Variants in TTN observed in about 807,000 individuals in gnomAD.
The protein encoded by TTN is connectin.
TTN carries 1,525 observed loss-of-function variants against 3,223.0 expected under a neutral mutation model. The ratio of observed to expected loss-of-function variants is 0.47; its 90% CI spans 0.45 to 0.49. The LOEUF is 0.49. Ranked by LOEUF, TTN falls within the 20% of genes least tolerant of loss-of-function variation. The probability of loss-of-function intolerance (pLI) is 0.00; values close to 1 mark genes in which losing one functional copy is unlikely to be tolerated. For synonymous variants in TTN, 14,094 were observed against 15,161.0 expected (o/e 0.93, Z 5.17); for missense variants, 40,786 against 43,424.0 (o/e 0.94, Z 5.40).
Position 178,577,239 on chromosome 2 carries a change from A to G in TTN, c.69096T>C (p.His23032=), listed in dbSNP as rs1374973500. ...ATNPFGTKVE[H]VKVTVLDVPG... is the part of the protein sequence containing the mutation. ...GTACATCAAGGACTGTTACCTTCAC[A>G]TGTTCCACCTTCGTGCCAAAAGGAT... Residue 23032 remains histidine, a synonymous_variant, in exon 324 of 363, where the codon CAT becomes CAC. Transcript: ENST00000589042. 6.2e-7 allele frequency: 1 copy of G among 1,612,968 alleles called. No individual in the cohort carries two copies. Among genetic ancestry groups the G allele is most frequent in the African/African-American group, 1.3e-5 (1 of 74,936 alleles).
At chr2:178,755,578 A>T (rs924771365) in intron 46 of TTN, among the ~76,000 whole-genome samples, 1 of 152,124 alleles carries the variant, frequency 6.6e-6, no homozygotes, top group Non-Finnish European at 1.5e-5. Context: ...TTGGGATTAC[A>T]GGCATGCACC....
At chr2:178,758,236 A>C (rs2087898878) in intron 44 of TTN, among the ~76,000 whole-genome samples, 1 of 152,180 alleles carries the variant, frequency 6.6e-6, no homozygotes. Flanking sequence ...ATTTTAAACC[A>C]CTTTAAATTC....
At chr2:178,539,352 T>G in intron 352 of TTN, 30 bp downstream of exon 352, 1 of 1,601,466 alleles carries the variant, frequency 6.2e-7, no homozygotes, top group Non-Finnish European at 8.5e-7. Context: ...GAAATAATGT[T>G]TATAATTTTG....
At chr2:178,750,731 T>G in intron 47 of TTN, 1 of 1,612,892 alleles carries the variant, frequency 6.2e-7, no homozygotes, top group Non-Finnish European at 8.5e-7. Context: ...TTCACTTTCT[T>G]CAACATTTAC....
rs1700048583 is a variant in TTN, at chr2:178,553,126, G to C, written c.89774C>G (p.Thr29925Ser). Reference protein sequence around the residue: ...ENGVGEPKSSTVSVKVLDTPA... With the variant: ...ENGVGEPKSSSVSVKVLDTPA... ...TGTGTCAAGCACTTTAACACTCACA[G>C]TTGAAGACTTAGGTTCACCAACTCC... is the stretch of plus-strand genomic sequence containing the variant. The change falls in exon 335 of 363, where the codon ACT becomes AGT. Residue 29925 changes from threonine (T) to serine (S), a missense_variant. Coordinates refer to ENST00000589042, the MANE Select transcript of TTN (RefSeq NM_001267550.2). The C allele has an allele frequency of 6.2e-7, 1 of 1,612,362 alleles. No individual in the cohort carries two copies. Among genetic ancestry groups the C allele is most frequent in the Non-Finnish European group, 8.5e-7 (1 of 1,178,646 alleles).
At chr2:178,793,244 G>A (rs533141920) in intron 9 of TTN, among the ~76,000 whole-genome samples, 160 bp downstream of exon 9, 1 of 152,202 alleles carries the variant, frequency 6.6e-6, no homozygotes, top group African/African-American at 2.4e-5. Flanking sequence ...ACCAAACTTT[G>A]GTATCCAGTA....
chr2:178,541,304 G>GT lies in TTN; in HGVS notation c.97772_97773insA (p.Ile32592HisfsTer20). 1.3e-6 allele frequency: 2 copies of GT among 1,520,396 alleles called. No individual in the cohort carries two copies. Among genetic ancestry groups the GT allele is most frequent in the Non-Finnish European group, 1.8e-6 (2 of 1,124,836 alleles). The allele number at this position is 1,520,396 out of a possible 1,614,324, so 94.2% of individuals were successfully genotyped here. ...TACCAATTGGATCCATGGCAACGATGGGTTTGGAAGGACGACTTGGTTTCC... is the reference window on the plus strand; with the variant it reads ...TACCAATTGGATCCATGGCAACGATGTGGTTTGGAAGGACGACTTGGTTTCC... On this transcript the variant is annotated frameshift_variant, in exon 350 of 363. Coordinates refer to ENST00000589042, the MANE Select transcript of TTN (RefSeq NM_001267550.2). LOFTEE classifies it high-confidence loss of function.
chr2:178,787,423 TTC>T (rs1273300017), intron 13 of TTN, among the ~76,000 whole-genome samples: 1 of 152,144 alleles, frequency 6.6e-6, no homozygotes, highest in East Asian at 1.9e-4. Context: ...ATTTATTTTT[TTC>T]TTTTTTAAAA....
chr2:178,641,363 G>A, intron 219 of TTN, 48 bp from the exon 220 acceptor site: 1 of 1,103,196 alleles, frequency 9.1e-7, no homozygotes, highest in Non-Finnish European at 1.3e-6. Flanking sequence ...AACTAATGAA[G>A]ATGTTGAATA....
intron 47 of TTN, chr2:178,750,601 AT>A: frequency 6.2e-7 from 1 of 1,612,542 alleles, no homozygotes; most frequent in Non-Finnish European, 8.5e-7. Flanking sequence ...TTCGAAAAGA[AT>A]TTTCAAAAAA....
chr2:178,561,264 C>G lies in TTN; in HGVS notation c.84868G>C (p.Glu28290Gln). Residue 28290 changes from glutamate to glutamine, a missense_variant, in exon 326 of 363, where the codon GAA becomes CAA. Coordinates refer to ENST00000589042, the MANE Select transcript of TTN (RefSeq NM_001267550.2). ...CGGCCATCTGGTAGTTCTCTGCGTT[C>G]AACAATGTATCCTGTGATCTTAGCT... The part of the protein sequence containing the change: ...GGAKITGYIV[E>Q]RRELPDGRWL... The G allele has an allele frequency of 1.2e-6, 2 of 1,613,720 alleles. No individual in the cohort carries two copies. The highest frequency in any genetic ancestry group is 1.7e-6 in the Non-Finnish European group (2 of 1,179,792).
At chr2:178,805,552 G>A (rs2094278979) in intron 1 of TTN, among the ~76,000 whole-genome samples, 1 of 152,082 alleles carries the variant, frequency 6.6e-6, no homozygotes, top group Non-Finnish European at 1.5e-5. Flanking sequence ...GACTGGAGAA[G>A]CTTTGGCAAG....
In TTN at chr2:178,589,848, C is replaced by T. The variant is rs745731267; in HGVS notation, c.61877G>A (p.Arg20626Gln). The change falls in exon 304 of 363, where the codon CGA becomes CAA. Residue 20626 changes from arginine to glutamine, a missense_variant. Physicochemically the swap from Arg to Gln is conservative, Grantham distance 43. Transcript: ENST00000589042. ...GGCTAAAAGGTTGGCCTTGATTAAT[C>T]GTTTAGTGACATCTGATGCAACAAT... is the stretch of plus-strand genomic sequence containing the variant. ...WSIVASDVTK[R>Q]LIKANLLANN... 1.1e-5 allele frequency: 17 copies of T among 1,613,288 alleles called. No individual in the cohort carries two copies. Among genetic ancestry groups the T allele is most frequent in the South Asian group, 2.2e-5 (2 of 91,062 alleles).
At chr2:178,777,072 A>C (rs1347134601) in intron 27 of TTN, 23 bp from the exon 28 acceptor site, 1 of 1,613,994 alleles carries the variant, frequency 6.2e-7, no homozygotes, top group South Asian at 1.1e-5. Context: ...GGGGGAGGGA[A>C]TAATCAATAT....
intron 111 of TTN, 91 bp from the exon 112 acceptor site, chr2:178,699,005 A>AT (rs1031838070): frequency 1.0e-5 from 13 of 1,281,470 alleles, no homozygotes; most frequent in Non-Finnish European, 1.4e-5. Flanking sequence ...TTATTGAAAT[A>AT]TTTTATTTTT....
chr2:178,747,131 T>C (rs1157885904), intron 47 of TTN: 1 of 1,605,242 alleles, frequency 6.2e-7, no homozygotes, highest in Admixed American at 1.7e-5. Context: ...CTCCAGAGTC[T>C]CTCCTGGGGG....
In TTN at chr2:178,621,319, T is replaced by G. The variant is rs781744339; in HGVS notation, c.45399A>C (p.Glu15133Asp). 9 of 1,611,822 alleles carry G rather than the reference T, an allele frequency of 5.6e-6. No homozygotes were observed. Among genetic ancestry groups the G allele is most frequent in the Non-Finnish European group, 7.6e-6 (9 of 1,179,018 alleles). Residue 15133 changes from glutamate (E) to aspartate (D), a missense_variant, in exon 246 of 363, where the codon GAA becomes GAC. By Grantham distance (45) the Glu-to-Asp change is conservative. Coordinates refer to ENST00000589042, the MANE Select transcript of TTN (RefSeq NM_001267550.2). ...AGCAGACAAATTCAGCCTTTTCTCCTTCAAGTATTTCAAGGTTTTGAGGCT... is the reference window on the plus strand; with the variant it reads ...AGCAGACAAATTCAGCCTTTTCTCCGTCAAGTATTTCAAGGTTTTGAGGCT... ...ISKPQNLEIL[E>D]GEKAEFVCSI...
chr2:178,633,191 G>T lies in TTN; in HGVS notation c.43082C>A (p.Ser14361Tyr). 2 of 1,610,516 alleles carry T rather than the reference G, an allele frequency of 1.2e-6. No homozygotes were observed. The highest frequency in any genetic ancestry group is 1.7e-6 in the Non-Finnish European group (2 of 1,177,726). Reference sequence around the variant, plus strand: ...AATTAGCTAATCTTGACTTACAGGGGAAGCTGTCAAAGGCTGTCCTTTCAG... The same window carrying T: ...AATTAGCTAATCTTGACTTACAGGGTAAGCTGTCAAAGGCTGTCCTTTCAG... ...WKLKGQPLTA[S>Y]PDCEIIEDGK... The change falls in exon 233 of 363, where the codon TCC becomes TAC. Residue 14361 changes from serine to tyrosine, a missense_variant. By Grantham distance (144) the Ser-to-Tyr change is moderately radical (BLOSUM62 -2). Coordinates refer to ENST00000589042, the MANE Select transcript of TTN (RefSeq NM_001267550.2).
Position 178,740,462 on chromosome 2 carries a change from T to G in TTN, c.12771A>C (p.Ala4257=). The G allele has an allele frequency of 6.2e-7, 1 of 1,613,722 alleles. No homozygotes were observed. The highest frequency in any genetic ancestry group is 8.5e-7 in the Non-Finnish European group (1 of 1,179,794). The change falls in exon 48 of 363, where the codon GCA becomes GCC. Residue 4257 remains alanine (A), a synonymous_variant. Transcript: ENST00000589042. The stretch of plus-strand genomic sequence containing the variant: ...TCTGACTCAAGATGAGCGCACTTTG[T>G]GCCTCTTGCTTTTGAAGAGTCACTC... ...EQRVTLQKQE[A]QSALILSQSL...
Sources: gnomAD v4.1 joint callset for allele counts (sites outside exome capture counted in the v4.1 genomes callset) on GRCh38, gnomAD v4.1.1 for gene constraint, MANE v1.5 for transcripts, NCBI Gene and HGNC (gene_info 2026-07-23, HGNC 2026-07-21) for gene names.